GRIK2: variants seen among roughly 807,000 people sequenced by gnomAD.
The protein encoded by GRIK2 is glutamate ionotropic receptor kainate type subunit 2.
A neutral mutation model predicts 100.3 loss-of-function variants in GRIK2; 32 were observed. The ratio of observed to expected loss-of-function variants is 0.32; its 90% confidence interval spans 0.24 to 0.43. The LOEUF is 0.43. Among genes scored for constraint, GRIK2 ranks in the 20% least tolerant of loss-of-function variants. GRIK2 has a pLI of 1.00. For missense variants in GRIK2, 843 were observed against 1,114.9 expected (o/e 0.76, Z 3.47); for synonymous variants, 417 against 389.4 (o/e 1.07, Z -0.83).
intron 14 of GRIK2, among the ~76,000 whole-genome samples, chr6:101,990,264 A>G (rs1794285416): frequency 6.6e-6 from 1 of 151,650 alleles, no homozygotes; most frequent in African/African-American, 2.4e-5. Flanking sequence ...CCAACTTGCA[A>G]TGTGAGCATT....
intron 7 of GRIK2, among the ~76,000 whole-genome samples, chr6:101,750,706 A>G (rs965049334): frequency 6.6e-6 from 1 of 152,148 alleles, no homozygotes; most frequent in Middle Eastern, 3.2e-3. Flanking sequence ...GAAAGTTAGT[A>G]GCTGAATGCT....
At chr6:101,543,478 C>T (rs1776098903) in intron 2 of GRIK2, among the ~76,000 whole-genome samples, 1 of 152,126 alleles carries the variant, frequency 6.6e-6, no homozygotes, top group Admixed American at 6.6e-5. Flanking sequence ...TGAACAATAC[C>T]ATCACAAAAA....
intron 7 of GRIK2, among the ~76,000 whole-genome samples, chr6:101,797,376 G>T (rs750809820): frequency 2.9e-4 from 44 of 151,742 alleles, no homozygotes; most frequent in Admixed American, 5.3e-4. Context: ...AACAGGGAGG[G>T]TGGGCTTCCC....
chr6:101,500,592 A>T (rs1228046968), intron 2 of GRIK2, among the ~76,000 whole-genome samples: 2 of 152,254 alleles, frequency 1.3e-5, no homozygotes, highest in African/African-American at 4.8e-5. Context: ...AAATAGGTCA[A>T]CTAGAGCTTA....
chr6:101,749,827 G>A (rs1412410163), intron 7 of GRIK2, among the ~76,000 whole-genome samples: 1 of 20,058 alleles, frequency 5.0e-5, no homozygotes, highest in African/African-American at 1.9e-4. Context: ...TTTTTTTTTT[G>A]TGTGAGACAG....
chr6:101,650,891 C>T lies in GRIK2; in HGVS notation c.541+24254C>T, dbSNP rs529784030. 5.9e-5 allele frequency among the ~76,000 whole-genome samples: 9 copies of T among 152,068 alleles called. No individual in the cohort carries two copies. In the South Asian group the frequency reaches 8.3e-4, roughly 14 times the overall value. On this transcript the variant is annotated intron_variant, in intron 4 of 16. Coordinates refer to ENST00000369134, the MANE Select transcript of GRIK2 (RefSeq NM_021956.5). ...CCCCCTAGCACCTAGTAACAGCCAT[C>T]GCATATGCATTAAACAAAAGACCCA...
At chr6:101,879,718 A>T (rs1337409592) in intron 11 of GRIK2, among the ~76,000 whole-genome samples, 1 of 151,634 alleles carries the variant, frequency 6.6e-6, no homozygotes, top group Non-Finnish European at 1.5e-5. Flanking sequence ...GAGTTGGGCA[A>T]CTGGAAGAAG....
chr6:101,463,140 T>G (rs1226580080), intron 2 of GRIK2, among the ~76,000 whole-genome samples: 1 of 152,164 alleles, frequency 6.6e-6, no homozygotes, highest in East Asian at 1.9e-4. Context: ...ATATGACAAA[T>G]TATTTTAAAC....
chr6:101,520,296 T>C (rs867425993), intron 2 of GRIK2, among the ~76,000 whole-genome samples: 1 of 151,432 alleles, frequency 6.6e-6, no homozygotes, highest in African/African-American at 2.4e-5. Flanking sequence ...TAATTTTGAA[T>C]GTCTTTATTA....
chr6:101,767,077 A>G (rs1778086378), intron 7 of GRIK2, among the ~76,000 whole-genome samples: 1 of 152,168 alleles, frequency 6.6e-6, no homozygotes, highest in Non-Finnish European at 1.5e-5. Context: ...ACTTCTGAGA[A>G]ATTAGAAGTA....
At chr6:101,757,810 C>A (rs567574244) in intron 7 of GRIK2, among the ~76,000 whole-genome samples, 52 of 152,246 alleles carry the variant, frequency 3.4e-4, no homozygotes, top group Admixed American at 7.8e-4. Flanking sequence ...TTCTTCATTT[C>A]TTTTAAAAAA....
chr6:101,626,347 C>T (rs537843847), intron 3 of GRIK2, 33 bp from the exon 4 acceptor site: 3 of 1,579,906 alleles, frequency 1.9e-6, no homozygotes, highest in East Asian at 2.3e-5. Context: ...CACCTCTCCT[C>T]TCATTATTGA....
At chr6:101,789,306 C>T (rs138990256) in intron 7 of GRIK2, among the ~76,000 whole-genome samples, 1,902 of 152,184 alleles carry the variant, frequency 0.012, 35 homozygotes, top group African/African-American at 0.043. Context: ...AATGGCAATG[C>T]CTAGATTTTC....
At chr6:101,977,563 G>T (rs1221327448) in intron 14 of GRIK2, among the ~76,000 whole-genome samples, 1 of 151,924 alleles carries the variant, frequency 6.6e-6, no homozygotes, top group African/African-American at 2.4e-5. Flanking sequence ...CATCAGGCAG[G>T]CATGGCCCAG....
intron 2 of GRIK2, among the ~76,000 whole-genome samples, chr6:101,550,355 C>CTT (rs1307155236): frequency 1.3e-5 from 2 of 152,156 alleles, no homozygotes; most frequent in African/African-American, 4.8e-5. Flanking sequence ...AGCCTGTTCT[C>CTT]TTTCCTTTGA....
intron 8 of GRIK2, among the ~76,000 whole-genome samples, chr6:101,800,994 G>A (rs904278859): frequency 6.6e-6 from 1 of 152,066 alleles, no homozygotes; most frequent in Non-Finnish European, 1.5e-5. Flanking sequence ...TCAGGTCTCA[G>A]TGCCAGGAAA....
intron 7 of GRIK2, among the ~76,000 whole-genome samples, chr6:101,725,615 T>C (rs1020093635): frequency 4.6e-5 from 7 of 152,070 alleles, no homozygotes; most frequent in South Asian, 2.1e-4. Context: ...AATATTTTTA[T>C]GTTACAGGTA....
At chr6:101,424,194 G>A (rs145381860) in intron 2 of GRIK2, among the ~76,000 whole-genome samples, 3 of 151,422 alleles carry the variant, frequency 2.0e-5, no homozygotes, top group African/African-American at 7.3e-5. Flanking sequence ...TATACTTTAA[G>A]TTTTAGGGTA....
At chr6:101,786,202 G>A (rs1779411405) in intron 7 of GRIK2, among the ~76,000 whole-genome samples, 1 of 151,720 alleles carries the variant, frequency 6.6e-6, no homozygotes, top group Non-Finnish European at 1.5e-5. Context: ...AGAGTTTTTG[G>A]TGGAGTCTTT....
Sources: allele counts gnomAD v4.1 joint callset (sites outside exome capture counted in the v4.1 genomes callset), GRCh38; gene constraint gnomAD v4.1.1; transcripts MANE v1.5; gene names NCBI Gene and HGNC (gene_info 2026-07-23, HGNC 2026-07-21).